Variants in SLC11A2 observed in about 807,000 individuals in gnomAD.
The protein encoded by SLC11A2 is natural resistance-associated macrophage protein 2.
In SLC11A2, 38 loss-of-function variants were observed where a neutral mutation model predicts 68.0. The ratio of observed to expected loss-of-function variants is 0.56; its 90% CI spans 0.43 to 0.73. The LOEUF (loss-of-function observed/expected upper bound fraction) is 0.73, where lower values mean the gene tolerates loss of function less well. Ranked by LOEUF, SLC11A2 falls within the 30% of genes least tolerant of loss-of-function variation. The probability of loss-of-function intolerance (pLI) is 0.00; values close to 1 mark genes in which losing one functional copy is unlikely to be tolerated. For synonymous variants in SLC11A2, 242 were observed against 250.6 expected (o/e 0.97, Z 0.32); for missense variants, 517 against 690.5 (o/e 0.75, Z 2.82).
chr12:50,990,091 T>C lies in SLC11A2; in HGVS notation c.1575+704A>G, dbSNP rs1940993327. 2.6e-5 allele frequency among the ~76,000 whole-genome samples: 4 copies of C among 152,216 alleles called. No individual in the cohort carries two copies. The South Asian group carries it at 8.3e-4, about 31-fold the overall frequency. ...CATTTTTATATAATTCTAGACTTCT[T>C]AAAAAATTTTTTATAATTGAAATAT... On this transcript the variant is annotated intron_variant, in intron 15 of 15. Coordinates refer to ENST00000262052, the MANE Select transcript of SLC11A2 (RefSeq NM_000617.3).
intron 8 of SLC11A2, among the ~76,000 whole-genome samples, chr12:50,997,349 C>T (rs918506516): frequency 4.1e-4 from 62 of 152,068 alleles, no homozygotes; most frequent in African/African-American, 1.4e-3. Context: ...ACTGAGTATC[C>T]GGATAGTTTA....
At chr12:50,983,895 G>C (rs1305067494), downstream of SLC11A2, among the ~76,000 whole-genome samples, 1 of 152,016 alleles carries the variant, frequency 6.6e-6, no homozygotes, top group Non-Finnish European at 1.5e-5. Context: ...TTGAACCTGG[G>C]AAGGGAAGGT....
rs1405298641 is a variant in SLC11A2 at position 50,992,795 on chromosome 12, T to C, written c.1197+15A>G. On this transcript the variant is annotated intron_variant, in intron 12 of 15. Transcript: ENST00000262052. ...AGGGTTGTGTTATCTCCCTCTATCC[T>C]ATACCAGCACGTACCTCCATGACAA... is the stretch of plus-strand genomic sequence containing the variant. 1 of 1,606,930 alleles carries C rather than the reference T, an allele frequency of 6.2e-7. No homozygotes were observed. The highest frequency in any genetic ancestry group is 2.2e-5 in the East Asian group (1 of 44,726).
intron 1 of SLC11A2, among the ~76,000 whole-genome samples, chr12:51,012,072 C>T (rs1943276385): frequency 1.3e-5 from 2 of 152,180 alleles, no homozygotes; most frequent in African/African-American, 4.8e-5. Context: ...AACCCTCTGA[C>T]AACTAGAAGA....
chr12:50,969,944 C>A, the SLC11A2 span, among the ~76,000 whole-genome samples: 2 of 152,052 alleles, frequency 1.3e-5, no homozygotes, highest in African/African-American at 4.8e-5. Context: ...TACCCTATTC[C>A]TTCTGGCTAC....
intron 1 of SLC11A2, among the ~76,000 whole-genome samples, chr12:51,022,280 C>T (rs1944095678): frequency 1.3e-5 from 2 of 151,896 alleles, no homozygotes; most frequent in Admixed American, 6.6e-5. Context: ...TAAGAAAATT[C>T]CCTATTAGAC....
In SLC11A2 at chr12:50,987,617, C is replaced by CTT; in HGVS notation, c.*706_*707dup. The CTT allele has an allele frequency of 2.3e-6, 3 of 1,287,182 alleles. No individual in the cohort carries two copies. Among genetic ancestry groups the CTT allele is most frequent in the Non-Finnish European group, 3.0e-6 (3 of 988,674 alleles). 79.7% of individuals were successfully genotyped at this position (1,287,182 alleles called of 1,614,324 possible). A position where few individuals can be genotyped will look rare whatever the true frequency, so the allele number is the denominator to read the frequency against. Reference sequence around the variant, plus strand: ...AAGACTCCCAAGAAATCCTCATAAGCTTTTCAATCTGAGGAAAATCCTGAG... The same window carrying CTT: ...AAGACTCCCAAGAAATCCTCATAAGCTTTTTTCAATCTGAGGAAAATCCTGAG... On this transcript the variant is annotated 3_prime_UTR_variant, in exon 16 of 16. Coordinates refer to ENST00000262052, the MANE Select transcript of SLC11A2 (RefSeq NM_000617.3).
Position 51,008,518 on chromosome 12 carries a change from G to A in SLC11A2, c.141C>T (p.Phe47=), listed in dbSNP as rs549517700. 51 of 1,613,152 alleles carry A rather than the reference G, an allele frequency of 3.2e-5. No individual in the cohort carries two copies. The highest frequency in any genetic ancestry group is 1.6e-4 in the East Asian group (7 of 44,860). ...AGATCTTCTCATTAAAGTAAGTGGC[G>A]AAGTACTCCTCTGAGTCCCCAGGGG... The part of the protein sequence containing the change: ...SQSPGDSEEY[F]ATYFNEKISI... Residue 47 remains phenylalanine, a synonymous_variant, in exon 3 of 16, where the codon TTC becomes TTT. Transcript: ENST00000262052.
intron 1 of SLC11A2, among the ~76,000 whole-genome samples, chr12:51,021,882 G>A (rs976154350): frequency 6.6e-6 from 1 of 152,108 alleles, no homozygotes; most frequent in Non-Finnish European, 1.5e-5. Flanking sequence ...TAACAGTTGG[G>A]AGAAATGTGG....
chr12:51,007,369 C>T (rs1208398075), intron 3 of SLC11A2, among the ~76,000 whole-genome samples: 1 of 152,198 alleles, frequency 6.6e-6, no homozygotes, highest in Non-Finnish European at 1.5e-5. Flanking sequence ...GAGTCTCACT[C>T]TGTCACTCAG....
chr12:51,010,606 T>C (rs1381706611), intron 2 of SLC11A2, 89 bp downstream of exon 2: 7 of 775,414 alleles, frequency 9.0e-6, no homozygotes, highest in Middle Eastern at 2.3e-4. Context: ...TGACAGATGA[T>C]GACAAGAGGA....
chr12:51,009,274 G>A (rs1382223135), intron 2 of SLC11A2: 9 of 1,296,916 alleles, frequency 6.9e-6, no homozygotes, highest in Admixed American at 3.7e-5. Context: ...GTAAAGTGCC[G>A]CCGGTCACGG....
chr12:51,002,950 A>G (rs902722371), intron 5 of SLC11A2, among the ~76,000 whole-genome samples: 2 of 127,796 alleles, frequency 1.6e-5, no homozygotes, highest in Non-Finnish European at 3.3e-5. Context: ...AAAAATACCA[A>G]AACAAGGCCA....
intron 13 of SLC11A2, 124 bp from the exon 14 acceptor site, chr12:50,991,796 T>C (rs757692691): frequency 7.7e-6 from 6 of 781,380 alleles, no homozygotes; most frequent in Non-Finnish European, 1.3e-5. Context: ...TAATTATTCC[T>C]ATCATCCCAA....
rs1942015259 is a variant in SLC11A2, at chr12:50,999,434, A to G, written c.537-19T>C. 6.3e-7 allele frequency: 1 copy of G among 1,588,228 alleles called. No homozygotes were observed. Among genetic ancestry groups the G allele is most frequent in the Non-Finnish European group, 8.6e-7 (1 of 1,156,352 alleles). On this transcript the variant is annotated intron_variant, in intron 6 of 15. Coordinates refer to ENST00000262052, the MANE Select transcript of SLC11A2 (RefSeq NM_000617.3). ...AGGAATTCTAGGTCAGAGATGAGATATGGAAGTCAGAGAGACGGAAAGAAA... is the reference window on the plus strand; with the variant it reads ...AGGAATTCTAGGTCAGAGATGAGATGTGGAAGTCAGAGAGACGGAAAGAAA...
chr12:50,970,741 C>T, the SLC11A2 span, among the ~76,000 whole-genome samples: 7 of 152,258 alleles, frequency 4.6e-5, no homozygotes, highest in African/African-American at 1.7e-4. Flanking sequence ...GATTTTCTGA[C>T]TTAATTTTTT....
intron 3 of SLC11A2, among the ~76,000 whole-genome samples, chr12:51,006,820 C>T (rs1942769230): frequency 6.6e-6 from 1 of 152,150 alleles, no homozygotes; most frequent in South Asian, 2.1e-4. Flanking sequence ...CCAGGCTGGT[C>T]TTGAACTCCT....
chr12:51,024,010 G>T (rs75912528), intron 1 of SLC11A2, among the ~76,000 whole-genome samples: 1 of 152,120 alleles, frequency 6.6e-6, no homozygotes, highest in African/African-American at 2.4e-5. Flanking sequence ...GGGAGGGGAA[G>T]TCTTGAACTC....
the SLC11A2 span, among the ~76,000 whole-genome samples, chr12:50,967,113 CA>C: frequency 0.063 from 8,255 of 131,750 alleles, 723 homozygotes; most frequent in African/African-American, 0.2. Context: ...GACTCAGTCT[CA>C]AAAAAAAAAA....
Sources: allele counts gnomAD v4.1 joint callset (sites outside exome capture counted in the v4.1 genomes callset), GRCh38; gene constraint gnomAD v4.1.1; transcripts MANE v1.5; gene names NCBI Gene and HGNC (gene_info 2026-07-23, HGNC 2026-07-21).